The following RBMS3 variants were observed in gnomAD, a reference collection of about 807,000 sequenced individuals.
RBMS3 encodes RNA-binding motif, single-stranded-interacting protein 3.
A neutral mutation model predicts 66.8 loss-of-function variants in RBMS3; 27 were observed. That is an observed-to-expected ratio of 0.40 (90% CI 0.30 to 0.56). RBMS3 has a LOEUF of 0.56. RBMS3 is among the 20% of genes least tolerant of loss of function. The pLI, the probability that RBMS3 is intolerant of heterozygous loss-of-function variation, is 0.40. For missense variants in RBMS3, 513 were observed against 549.5 expected (o/e 0.93, Z 0.66); for synonymous variants, 188 against 183.0 (o/e 1.03, Z -0.22).
chr3:29,367,956 C>T lies in RBMS3; in HGVS notation c.76-66787C>T, dbSNP rs150428081. Among the ~76,000 whole-genome samples the T allele has an allele frequency of 5.1e-3, 774 of 152,104 alleles. 4 individuals carry two copies. The highest frequency in any genetic ancestry group is 0.018 in the African/African-American group (745 of 41,528). ...TTCAAACATCCCTAAGAAAAAAAAT[C>T]AAGATTTCAACTTGGATAGAAATAA... is the stretch of plus-strand genomic sequence containing the variant. On this transcript the variant is annotated intron_variant, in intron 1 of 14. Coordinates refer to ENST00000383767, the MANE Select transcript of RBMS3 (RefSeq NM_001003793.3).
intron 2 of RBMS3, among the ~76,000 whole-genome samples, chr3:29,482,190 T>G (rs1490887071): frequency 6.6e-6 from 1 of 152,210 alleles, no homozygotes; most frequent in Non-Finnish European, 1.5e-5. Context: ...ACTCTATTGG[T>G]ATGGAAATCC....
intron 2 of RBMS3, among the ~76,000 whole-genome samples, chr3:29,487,665 C>T (rs1056747419): frequency 6.6e-5 from 10 of 152,006 alleles, no homozygotes; most frequent in African/African-American, 1.9e-4. Flanking sequence ...GTCCTCAGCA[C>T]GTTAGGTAAA....
intron 1 of RBMS3, among the ~76,000 whole-genome samples, chr3:29,295,961 C>A (rs1405413944): frequency 6.6e-6 from 1 of 151,736 alleles, no homozygotes; most frequent in African/African-American, 2.4e-5. Flanking sequence ...ATTCTGTGCC[C>A]TGCAAGGTTG....
intron 1 of RBMS3, among the ~76,000 whole-genome samples, chr3:29,428,253 A>G (rs754601095): frequency 3.3e-5 from 5 of 152,014 alleles, no homozygotes; most frequent in South Asian, 2.1e-4. Flanking sequence ...GTATCTGGAG[A>G]TATTTTTGGT....
At chr3:29,355,946 C>G (rs917672782) in intron 1 of RBMS3, among the ~76,000 whole-genome samples, 5 of 152,122 alleles carry the variant, frequency 3.3e-5, no homozygotes, top group African/African-American at 1.2e-4. Context: ...TGAATCTTCC[C>G]TAGTCACCCC....
At chr3:29,322,735 AT>A (rs1157461978) in intron 1 of RBMS3, among the ~76,000 whole-genome samples, 4 of 152,064 alleles carry the variant, frequency 2.6e-5, no homozygotes, top group Non-Finnish European at 5.9e-5. Flanking sequence ...CTTGGAGTTA[AT>A]TTTCATGGGC....
At chr3:29,695,631 A>C (rs1321365828) in intron 4 of RBMS3, among the ~76,000 whole-genome samples, 1 of 152,144 alleles carries the variant, frequency 6.6e-6, no homozygotes, top group Non-Finnish European at 1.5e-5. Context: ...TAACAATTTC[A>C]TGTGAAAAAA....
intron 6 of RBMS3, among the ~76,000 whole-genome samples, chr3:29,807,473 G>T (rs2057592612): frequency 1.3e-5 from 2 of 151,856 alleles, no homozygotes; most frequent in Admixed American, 1.3e-4. Context: ...TATATGCAGG[G>T]TTCTGTCCCA....
At chr3:29,840,444 A>T (rs1445008788) in intron 6 of RBMS3, among the ~76,000 whole-genome samples, 1 of 152,062 alleles carries the variant, frequency 6.6e-6, no homozygotes, top group Non-Finnish European at 1.5e-5. Context: ...TTAATGTTTG[A>T]CATAATAAAA....
chr3:29,884,818 TCTTA>T (rs1478896815), intron 8 of RBMS3, among the ~76,000 whole-genome samples: 1 of 151,956 alleles, frequency 6.6e-6, no homozygotes, highest in African/African-American at 2.4e-5. Flanking sequence ...GAAACTTTCT[TCTTA>T]CTTCCTAATG....
At chr3:29,879,161 C>T (rs1453492006) in intron 7 of RBMS3, among the ~76,000 whole-genome samples, 7 of 151,946 alleles carry the variant, frequency 4.6e-5, no homozygotes, top group Non-Finnish European at 1.5e-5. Flanking sequence ...AGTTTTATTT[C>T]CAGTCAGAGA....
At chr3:29,885,817 G>T (rs572383770) in intron 8 of RBMS3, among the ~76,000 whole-genome samples, 1 of 151,758 alleles carries the variant, frequency 6.6e-6, no homozygotes, top group South Asian at 2.1e-4. Context: ...ATATCTACCT[G>T]TCTATAGTAT....
At chr3:29,888,344 A>G (rs928191587) in intron 8 of RBMS3, among the ~76,000 whole-genome samples, 3 of 151,688 alleles carry the variant, frequency 2.0e-5, no homozygotes, top group African/African-American at 4.8e-5. Flanking sequence ...CTCTAATATC[A>G]TGTAATAAAT....
At chr3:29,531,971 T>C (rs1165590814) in intron 3 of RBMS3, among the ~76,000 whole-genome samples, 1 of 152,028 alleles carries the variant, frequency 6.6e-6, no homozygotes, top group African/African-American at 2.4e-5. Context: ...TGGTCTCCAG[T>C]CCATTTACAG....
chr3:29,764,932 G>C (rs555433974), intron 6 of RBMS3, among the ~76,000 whole-genome samples: 3 of 152,046 alleles, frequency 2.0e-5, no homozygotes, highest in African/African-American at 4.8e-5. Flanking sequence ...AAATAATTAT[G>C]TTCAGTTATA....
intron 3 of RBMS3, among the ~76,000 whole-genome samples, chr3:29,559,471 A>G (rs1295148352): frequency 8.0e-6 from 1 of 125,434 alleles, no homozygotes; most frequent in Non-Finnish European, 1.6e-5. Flanking sequence ...AGTTTGTGCC[A>G]CTGCACCCCA....
At chr3:29,579,656 C>A (rs2047255877) in intron 3 of RBMS3, among the ~76,000 whole-genome samples, 1 of 152,164 alleles carries the variant, frequency 6.6e-6, no homozygotes, top group South Asian at 2.1e-4. Context: ...GTACCTCCTG[C>A]TGTTTTGATG....
chr3:29,787,181 A>C (rs2056848757), intron 6 of RBMS3, among the ~76,000 whole-genome samples: 3 of 152,106 alleles, frequency 2.0e-5, no homozygotes, highest in African/African-American at 2.4e-5. Context: ...TAAAAAAAAA[A>C]ATAGATGTTG....
intron 6 of RBMS3, among the ~76,000 whole-genome samples, chr3:29,835,301 A>G (rs1304748071): frequency 6.6e-6 from 1 of 151,996 alleles, no homozygotes; most frequent in Admixed American, 6.6e-5. Flanking sequence ...GCAGACATAC[A>G]AAAGACTCCA....
Sources: gnomAD v4.1 joint callset for allele counts (sites outside exome capture counted in the v4.1 genomes callset) on GRCh38, gnomAD v4.1.1 for gene constraint, MANE v1.5 for transcripts, NCBI Gene and HGNC (gene_info 2026-07-23, HGNC 2026-07-21) for gene names.